Variants in PEBP4 observed in about 807,000 individuals in gnomAD.
The protein encoded by PEBP4 is phosphatidylethanolamine binding protein 4.
A neutral mutation model predicts 23.9 loss-of-function variants in PEBP4; 22 were observed. That is an observed-to-expected ratio of 0.92 (90% CI 0.66 to 1.31). PEBP4 has a LOEUF of 1.31. Ranked by LOEUF, PEBP4 falls within the 40% of genes most tolerant of loss-of-function variation. The pLI, the probability that PEBP4 is intolerant of heterozygous loss-of-function variation, is 0.00. For synonymous variants in PEBP4, 112 were observed against 99.3 expected (o/e 1.13, Z -0.76); for missense variants, 324 against 281.7 (o/e 1.15, Z -1.07).
At chr8:22,794,643 C>CCT (rs1378485366) in intron 4 of PEBP4, among the ~76,000 whole-genome samples, 4 of 152,168 alleles carry the variant, frequency 2.6e-5, no homozygotes, top group African/African-American at 9.7e-5. Context: ...AGACAATAAT[C>CCT]CTCACCGTAT....
chr8:22,861,320 G>A (rs1807774548), intron 3 of PEBP4, among the ~76,000 whole-genome samples: 1 of 152,188 alleles, frequency 6.6e-6, no homozygotes, highest in Admixed American at 6.5e-5. Context: ...CTCTTTCCAT[G>A]TACCAGACTT....
rs143370864 is a variant in PEBP4, at chr8:22,936,606, C to T, written c.145-8886G>A. On this transcript the variant is annotated intron_variant, in intron 1 of 1. Coordinates refer to the PEBP4 transcript ENST00000522278. ...ATACTCCCTGACTCACTCTGTGAAG[C>T]CAGCGTTACTATGATACCAAAGCCA... Among the ~76,000 whole-genome samples, 590 of 152,260 alleles carry T rather than the reference C, an allele frequency of 3.9e-3. 7 individuals are homozygous for T. The highest frequency in any genetic ancestry group is 0.013 in the African/African-American group (546 of 41,564).
chr8:22,825,236 C>A (rs1806943222), intron 3 of PEBP4, among the ~76,000 whole-genome samples: 1 of 152,222 alleles, frequency 6.6e-6, no homozygotes, highest in Non-Finnish European at 1.5e-5. Flanking sequence ...CTTAGCCAGG[C>A]TCCTTGAAGT....
At chr8:22,840,673 G>C (rs1807307461) in intron 3 of PEBP4, among the ~76,000 whole-genome samples, 1 of 152,126 alleles carries the variant, frequency 6.6e-6, no homozygotes, top group Admixed American at 6.5e-5. Context: ...AAGAATGTGG[G>C]GAAAATGTGA....
chr8:22,841,200 A>G (rs1325268789), intron 3 of PEBP4, among the ~76,000 whole-genome samples: 1 of 152,274 alleles, frequency 6.6e-6, no homozygotes, highest in East Asian at 1.9e-4. Context: ...TAGCAAAGGC[A>G]AAAATCAAAC....
chr8:22,752,100 T>C (rs553868824), intron 4 of PEBP4, among the ~76,000 whole-genome samples: 3 of 152,032 alleles, frequency 2.0e-5, no homozygotes, highest in African/African-American at 7.2e-5. Flanking sequence ...AGAGTTGGAG[T>C]CTTGCTGTTT....
intron 4 of PEBP4, among the ~76,000 whole-genome samples, chr8:22,763,224 C>T (rs775031407): frequency 6.6e-6 from 1 of 152,090 alleles, no homozygotes; most frequent in Non-Finnish European, 1.5e-5. Flanking sequence ...AGGCTGGTCT[C>T]GAACTCCTGA....
intron 3 of PEBP4, among the ~76,000 whole-genome samples, chr8:22,843,047 C>T (rs1288143317): frequency 3.3e-5 from 5 of 152,148 alleles, no homozygotes; most frequent in East Asian, 1.9e-4. Context: ...AGGCTGGTCT[C>T]GAACTCCTGA....
upstream of PEBP4, among the ~76,000 whole-genome samples, chr8:22,928,363 TCC>T (rs2128782358): frequency 6.6e-6 from 1 of 152,278 alleles, no homozygotes; most frequent in South Asian, 2.1e-4. Flanking sequence ...AAGGGCCAGC[TCC>T]GAAGGGCCAG....
chr8:22,922,807 T>C (rs1585159013), intron 2 of PEBP4, among the ~76,000 whole-genome samples: 2 of 95,722 alleles, frequency 2.1e-5, no homozygotes, highest in South Asian at 6.3e-4. Flanking sequence ...TTACCTGACA[T>C]GGAATTCTTC....
chr8:22,933,293 A>G (rs886951212), intron 1 of PEBP4, among the ~76,000 whole-genome samples: 2 of 152,242 alleles, frequency 1.3e-5, no homozygotes, highest in African/African-American at 4.8e-5. Flanking sequence ...GAGACATACA[A>G]CAGACCATCT....
intron 3 of PEBP4, among the ~76,000 whole-genome samples, chr8:22,907,288 T>C (rs981044222): frequency 1.3e-5 from 2 of 152,148 alleles, no homozygotes; most frequent in African/African-American, 4.8e-5. Flanking sequence ...GGTGAAACCC[T>C]GTCTTTACTA....
chr8:22,859,731 A>G (rs1807724978), intron 3 of PEBP4, among the ~76,000 whole-genome samples: 1 of 151,964 alleles, frequency 6.6e-6, no homozygotes, highest in Non-Finnish European at 1.5e-5. Context: ...ATCTCCTATT[A>G]TGTCCCTCCT....
intron 3 of PEBP4, among the ~76,000 whole-genome samples, chr8:22,906,200 A>G (rs1808809119): frequency 6.6e-6 from 1 of 152,024 alleles, no homozygotes; most frequent in African/African-American, 2.4e-5. Flanking sequence ...AGTGATGCTG[A>G]ACAGAGGGTG....
chr8:22,721,941 C>T lies in PEBP4; in HGVS notation c.517+2902G>A, dbSNP rs146974937. ...GACCTGGGGTTTCTGCTTTTGCAATCGCCCCTGGGTTCATCCACACCTCAC... is the reference window on the plus strand; with the variant it reads ...GACCTGGGGTTTCTGCTTTTGCAATTGCCCCTGGGTTCATCCACACCTCAC... On this transcript the variant is annotated intron_variant, in intron 6 of 6. Coordinates refer to ENST00000256404, the MANE Select transcript of PEBP4 (RefSeq NM_144962.3). Among the ~76,000 whole-genome samples the T allele has an allele frequency of 1.5e-4, 23 of 152,262 alleles. No homozygotes were observed. The East Asian group carries it at 4.2e-3, about 28-fold the overall frequency.
At chr8:22,760,236 C>T (rs1322439056) in intron 4 of PEBP4, among the ~76,000 whole-genome samples, 1 of 152,104 alleles carries the variant, frequency 6.6e-6, no homozygotes, top group Non-Finnish European at 1.5e-5. Flanking sequence ...AATCACCTGC[C>T]CAAGGTCACC....
At chr8:22,819,792 G>C (rs145948309) in intron 3 of PEBP4, among the ~76,000 whole-genome samples, 3,087 of 152,160 alleles carry the variant, frequency 0.02, 110 homozygotes, top group African/African-American at 0.068. Flanking sequence ...ATTTTTAGTA[G>C]AGACGGGGTT....
intron 3 of PEBP4, among the ~76,000 whole-genome samples, chr8:22,864,645 A>G (rs1210952156): frequency 6.6e-6 from 1 of 152,174 alleles, no homozygotes; most frequent in Non-Finnish European, 1.5e-5. Context: ...AGCATTTGTA[A>G]AGGGCTCTGA....
intron 3 of PEBP4, among the ~76,000 whole-genome samples, chr8:22,857,456 C>G (rs1415340943): frequency 1.3e-5 from 2 of 152,196 alleles, no homozygotes; most frequent in African/African-American, 4.8e-5. Flanking sequence ...GAGTGGAAGA[C>G]TCAGTGCACA....
Sources: allele counts gnomAD v4.1 joint callset (sites outside exome capture counted in the v4.1 genomes callset), GRCh38; gene constraint gnomAD v4.1.1; transcripts MANE v1.5; gene names NCBI Gene and HGNC (gene_info 2026-07-23, HGNC 2026-07-21).